The following SH2D4B variants were observed in gnomAD, a reference collection of about 807,000 sequenced individuals.
SH2D4B encodes the protein SH2 domain-containing protein 4B.
In SH2D4B, 45 loss-of-function variants were observed where a neutral mutation model predicts 61.5. That is an observed-to-expected ratio of 0.73 (90% confidence interval 0.58 to 0.94). The LOEUF is 0.94. Ranked by LOEUF, SH2D4B falls within the 40% of genes least tolerant of loss-of-function variation. SH2D4B has a pLI of 0.00. For synonymous variants in SH2D4B, 224 were observed against 220.4 expected (o/e 1.02, Z -0.14); for missense variants, 572 against 574.2 (o/e 1.00, Z 0.04).
At chr10:80,609,699 C>A in intron 6 of SH2D4B, 148 bp downstream of exon 6, 1 of 1,256,774 alleles carries the variant, frequency 8.0e-7, no homozygotes, top group Non-Finnish European at 1.1e-6. Context: ...AGTGGGAGTC[C>A]AGGAGGCTGC....
chr10:80,618,546 G>C (rs1842683768), intron 6 of SH2D4B, among the ~76,000 whole-genome samples: 1 of 152,196 alleles, frequency 6.6e-6, no homozygotes, highest in South Asian at 2.1e-4. Flanking sequence ...AGGATGCTTT[G>C]AGATACTGTT....
chr10:80,620,200 G>A (rs757985775), intron 6 of SH2D4B, among the ~76,000 whole-genome samples: 1 of 152,168 alleles, frequency 6.6e-6, no homozygotes, highest in Non-Finnish European at 1.5e-5. Context: ...GGGACCTGGT[G>A]GAAGGTGATT....
chr10:80,596,784 G>A (rs1427018706), intron 4 of SH2D4B, among the ~76,000 whole-genome samples: 2 of 152,154 alleles, frequency 1.3e-5, no homozygotes, highest in Non-Finnish European at 2.9e-5. Flanking sequence ...TTCAGTGCTG[G>A]TGCGTAGCTC....
Position 80,634,337 on chromosome 10 carries a change from A to G in SH2D4B, c.1041A>G (p.Gly347=). 6.5e-7 allele frequency: 1 copy of G among 1,549,322 alleles called. No homozygotes were observed. Among genetic ancestry groups the G allele is most frequent in the Non-Finnish European group, 8.7e-7 (1 of 1,146,060 alleles). Residue 347 remains glycine, a synonymous_variant, in exon 7 of 8, where the codon GGA becomes GGG. Transcript: ENST00000646907. ...CTCTCCTGGAGAACATGACTGAGGGAGCATTCCTGGTCCGGGTCAGTGAGA... is the reference window on the plus strand; with the variant it reads ...CTCTCCTGGAGAACATGACTGAGGGGGCATTCCTGGTCCGGGTCAGTGAGA... ...AEALLENMTE[G]AFLVRVSEKI...
At chr10:80,632,802 G>T (rs1041772710) in intron 6 of SH2D4B, among the ~76,000 whole-genome samples, 1 of 151,918 alleles carries the variant, frequency 6.6e-6, no homozygotes, top group African/African-American at 2.4e-5. Context: ...GAAGCAGCGG[G>T]GTGCATCCTC....
At chr10:80,553,478 A>C (rs1841788514) in intron 1 of SH2D4B, among the ~76,000 whole-genome samples, 1 of 152,214 alleles carries the variant, frequency 6.6e-6, no homozygotes, top group Non-Finnish European at 1.5e-5. Context: ...CAAATTGCAG[A>C]CAGGGAAGTA....
At chr10:80,575,783 C>T (rs1172758289) in intron 3 of SH2D4B, among the ~76,000 whole-genome samples, 1 of 152,096 alleles carries the variant, frequency 6.6e-6, no homozygotes, top group Non-Finnish European at 1.5e-5. Context: ...TGATCAAAAC[C>T]TAAGAAGTTC....
At chr10:80,566,830 A>T (rs778708536) in intron 1 of SH2D4B, among the ~76,000 whole-genome samples, 1 of 152,080 alleles carries the variant, frequency 6.6e-6, no homozygotes. Flanking sequence ...CCCACTATTA[A>T]TTTGAAAGTT....
chr10:80,562,315 T>C (rs955584924), intron 1 of SH2D4B, among the ~76,000 whole-genome samples: 3 of 152,248 alleles, frequency 2.0e-5, no homozygotes, highest in Non-Finnish European at 4.4e-5. Context: ...GATAGGTTCT[T>C]GGAAACTGTG....
Position 80,588,934 on chromosome 10 carries a change from G to A in SH2D4B, c.643+157G>A, listed in dbSNP as rs1303193122. Reference sequence around the variant, plus strand: ...TGTGCTCAGTCCTGCTAAGAATTTAGAGGGTAAGTTAGGCTTCATCCTTGA... The same window carrying A: ...TGTGCTCAGTCCTGCTAAGAATTTAAAGGGTAAGTTAGGCTTCATCCTTGA... On this transcript the variant is annotated intron_variant, in intron 4 of 7. Transcript: ENST00000646907. 3 of 833,008 alleles carry A rather than the reference G, an allele frequency of 3.6e-6. No individual in the cohort carries two copies. The East Asian group carries it at 8.1e-5, about 22-fold the overall frequency. The allele number at this position is 833,008 out of a possible 1,614,324, so 51.6% of individuals were successfully genotyped here.
intron 1 of SH2D4B, among the ~76,000 whole-genome samples, chr10:80,546,575 G>A (rs917925244): frequency 1.3e-5 from 2 of 149,582 alleles, no homozygotes; most frequent in African/African-American, 4.9e-5. Context: ...GCCCAGGCCG[G>A]ACTGCAGTGG....
chr10:80,644,068 C>T lies in SH2D4B; in HGVS notation c.1285C>T (p.His429Tyr), dbSNP rs1840354249. Residue 429 changes from histidine (H) to tyrosine (Y), a missense_variant, in exon 8 of 8, where the codon CAT becomes TAT. His to Tyr is a moderately conservative substitution (Grantham distance 83). Transcript: ENST00000646907. ...CGQRDSPPDY[H>Y]LLFE ...ACAGAGGGACAGCCCACCAGACTAC[C>T]ATCTGTTGTTTGAATAATTTTTTTC... 6.2e-7 allele frequency: 1 copy of T among 1,613,526 alleles called. No homozygotes were observed. The highest frequency in any genetic ancestry group is 8.5e-7 in the Non-Finnish European group (1 of 1,179,750).
intron 5 of SH2D4B, among the ~76,000 whole-genome samples, chr10:80,605,739 G>A (rs756110456): frequency 3.9e-5 from 6 of 152,034 alleles, no homozygotes; most frequent in Non-Finnish European, 7.4e-5. Context: ...GGCTGGTCTC[G>A]AACTCCTGAC....
chr10:80,576,987 G>A (rs1589341918), intron 3 of SH2D4B, among the ~76,000 whole-genome samples: 1 of 152,260 alleles, frequency 6.6e-6, no homozygotes, highest in East Asian at 1.9e-4. Flanking sequence ...AGTTGGTCTC[G>A]AACTCCTGAC....
intron 6 of SH2D4B, among the ~76,000 whole-genome samples, chr10:80,630,862 G>A (rs980470918): frequency 3.3e-5 from 5 of 152,308 alleles, no homozygotes; most frequent in South Asian, 2.1e-4. Flanking sequence ...GCCCAGAGGG[G>A]TAGGTTGAGG....
In SH2D4B at chr10:80,644,212, A is replaced by T; in HGVS notation, c.*127A>T. ...TATCCAAAGGAAAAAGTAGATTAAT[A>T]TGCCTCAAGGGATATGACATCTATG... On this transcript the variant is annotated 3_prime_UTR_variant, in exon 8 of 8. Coordinates refer to ENST00000646907, the MANE Select transcript of SH2D4B (RefSeq NM_001388272.1). 2.8e-6 allele frequency: 2 copies of T among 724,750 alleles called. No homozygotes were observed. The highest frequency in any genetic ancestry group is 4.7e-6 in the Non-Finnish European group (2 of 426,978). The allele number at this position is 724,750 out of a possible 1,614,324, so 44.9% of individuals were successfully genotyped here.
At chr10:80,596,587 A>C (rs1842387815) in intron 4 of SH2D4B, among the ~76,000 whole-genome samples, 1 of 152,202 alleles carries the variant, frequency 6.6e-6, no homozygotes, top group Admixed American at 6.5e-5. Context: ...TTGGCCTCAC[A>C]GGCCTCCAGG....
intron 7 of SH2D4B, among the ~76,000 whole-genome samples, chr10:80,637,713 C>A (rs567621781): frequency 1.3e-5 from 2 of 152,298 alleles, no homozygotes; most frequent in South Asian, 2.1e-4. Flanking sequence ...TCTAAATATA[C>A]AGTCATGTCA....
intron 7 of SH2D4B, chr10:80,642,892 T>C (rs1840330999): frequency 6.6e-6 from 1 of 152,652 alleles, no homozygotes; most frequent in Admixed American, 6.5e-5. Flanking sequence ...CAAAACTATA[T>C]GCGGCTGTTT....
Sources: allele counts gnomAD v4.1 joint callset (sites outside exome capture counted in the v4.1 genomes callset), GRCh38; gene constraint gnomAD v4.1.1; transcripts MANE v1.5; gene names NCBI Gene and HGNC (gene_info 2026-07-23, HGNC 2026-07-21).